Variants in ZEB2 observed in about 807,000 individuals in gnomAD.
ZEB2 encodes zinc finger E-box binding homeobox 2, also known as zinc finger E-box-binding homeobox 2.
Under a neutral mutation model 99.9 loss-of-function variants are expected in ZEB2, and 6 were observed. That is an observed-to-expected ratio of 0.06 (90% CI 0.03 to 0.12). The LOEUF is 0.12. Among genes scored for constraint, ZEB2 ranks in the 10% least tolerant of loss-of-function variants. The probability of loss-of-function intolerance (pLI) is 1.00; values close to 1 mark genes in which losing one functional copy is unlikely to be tolerated. For missense variants in ZEB2, 969 were observed against 1,502.8 expected, an observed-to-expected ratio of 0.64 and a Z score of 5.87; for synonymous variants, 517 against 542.5, an observed-to-expected ratio of 0.95 and a Z score of 0.65.
intron 2 of ZEB2, chr2:144,514,264 AAC>A (rs1465266426): frequency 5.7e-6 from 1 of 175,956 alleles, no homozygotes; most frequent in Non-Finnish European, 1.2e-5. Flanking sequence ...CAGCCTTTAA[AAC>A]ACACACACTG....
At chr2:144,468,872 C>T (rs1244413161) in intron 2 of ZEB2, among the ~76,000 whole-genome samples, 1 of 152,110 alleles carries the variant, frequency 6.6e-6, no homozygotes, top group Admixed American at 6.6e-5. Flanking sequence ...CAAGCATGTC[C>T]TTTCTGACCT....
intron 3 of ZEB2, 188 bp from the exon 4 acceptor site, chr2:144,425,055 T>C (rs1703673679): frequency 1.6e-6 from 1 of 622,032 alleles, no homozygotes; most frequent in Non-Finnish European, 2.8e-6. Flanking sequence ...CAAGAACTTA[T>C]TTACTTTAAG....
At chr2:144,510,716 CTT>C (rs56064705) in intron 2 of ZEB2, among the ~76,000 whole-genome samples, 17 of 135,720 alleles carry the variant, frequency 1.3e-4, no homozygotes, top group African/African-American at 3.1e-4. Context: ...CTCTCTCTCT[CTT>C]TCTCTCTCTC....
chr2:144,490,991 G>A (rs913822172), intron 2 of ZEB2, among the ~76,000 whole-genome samples: 1 of 152,238 alleles, frequency 6.6e-6, no homozygotes, highest in African/African-American at 2.4e-5. Context: ...CTAAGGAGCC[G>A]TTATGTAGTG....
At chr2:144,504,907 G>C (rs1043993081) in intron 2 of ZEB2, among the ~76,000 whole-genome samples, 7 of 152,260 alleles carry the variant, frequency 4.6e-5, no homozygotes, top group African/African-American at 1.2e-4. Flanking sequence ...GCTGTCTTAT[G>C]ATAAGTGTTG....
intron 2 of ZEB2, among the ~76,000 whole-genome samples, chr2:144,489,049 A>G (rs1348293347): frequency 6.6e-6 from 1 of 152,146 alleles, no homozygotes; most frequent in Non-Finnish European, 1.5e-5. Flanking sequence ...ACAAGATGAA[A>G]TCTACTCTAT....
intron 4 of ZEB2, among the ~76,000 whole-genome samples, chr2:144,412,395 G>A (rs1376975240): frequency 6.6e-6 from 1 of 152,236 alleles, no homozygotes; most frequent in Admixed American, 6.5e-5. Context: ...ATTTAGAGGA[G>A]TTGATGAAGT....
At chr2:144,502,280 A>G (rs1172704910) in intron 2 of ZEB2, among the ~76,000 whole-genome samples, 2 of 152,212 alleles carry the variant, frequency 1.3e-5, no homozygotes, top group Non-Finnish European at 2.9e-5. Context: ...AACCTTGAAT[A>G]TCTCAAATTA....
chr2:144,517,773 C>T (rs1705186754), intron 1 of ZEB2: 4 of 684,342 alleles, frequency 5.8e-6, no homozygotes, highest in Admixed American at 2.1e-5. Flanking sequence ...CCTCAGCCCC[C>T]GGCTCGGGAA....
Position 144,398,882 on chromosome 2 carries a change from T to C in ZEB2, c.2305A>G (p.Ile769Val). The C allele has an allele frequency of 1.9e-6, 3 of 1,614,176 alleles. No homozygotes were observed. Among genetic ancestry groups the C allele is most frequent in the Non-Finnish European group, 2.5e-6 (3 of 1,180,014 alleles). The stretch of plus-strand genomic sequence containing the variant: ...TGGTCCAATTTTTCAACTGGTTTAA[T>C]ATTGGTAAAATGGGAAGGTTTTGTT... ...RLTKPSHFTNIKPVEKLDHSR... is the reference protein window; with the variant it reads ...RLTKPSHFTNVKPVEKLDHSR... Residue 769 changes from isoleucine (I) to valine (V), a missense_variant, in exon 8 of 10, where the codon ATT becomes GTT. Transcript: ENST00000627532.
At chr2:144,498,018 T>A (rs62169224) in intron 2 of ZEB2, among the ~76,000 whole-genome samples, 5,719 of 16,824 alleles carry the variant, frequency 0.34, 2,423 homozygotes, top group Non-Finnish European at 0.56. Flanking sequence ...TATATTAATA[T>A]TATATATTAT....
In ZEB2 at chr2:144,425,660, G is replaced by T. The variant is rs1013835770; in HGVS notation, c.332-793C>A. Among the ~76,000 whole-genome samples the T allele has an allele frequency of 2.0e-5, 3 of 152,182 alleles. No homozygotes were observed. The East Asian group carries it at 5.8e-4, about 29-fold the overall frequency. ...CAAAAACTGCAATATTTTAAAATAA[G>T]GGAGAATTTGAAAAATAGGGGCACT... is the stretch of plus-strand genomic sequence containing the variant. On this transcript the variant is annotated intron_variant, in intron 3 of 9. Coordinates refer to ENST00000627532, the MANE Select transcript of ZEB2 (RefSeq NM_014795.4).
At chr2:144,470,302 G>A (rs1704336339) in intron 2 of ZEB2, 1 of 152,134 alleles carries the variant, frequency 6.6e-6, no homozygotes, top group South Asian at 2.1e-4. Flanking sequence ...GACACAGGTA[G>A]GAATTGCCAG....
intron 2 of ZEB2, among the ~76,000 whole-genome samples, chr2:144,443,750 C>T (rs1438073076): frequency 6.6e-6 from 1 of 152,022 alleles, no homozygotes; most frequent in East Asian, 1.9e-4. Context: ...CTTTTCGCTC[C>T]CCACCAAAAC....
At chr2:144,403,228 C>T (rs1703336318) in intron 6 of ZEB2, among the ~76,000 whole-genome samples, 2 of 151,796 alleles carry the variant, frequency 1.3e-5, no homozygotes, top group African/African-American at 4.8e-5. Context: ...AGAAGCTATA[C>T]TTAACTGTTG....
Position 144,404,135 on chromosome 2 carries a change from A to G in ZEB2, c.593-5T>C. ...CTGGAGTTCCAGGTGGCAGGTCTGTAGCCGAGAGACAGAGAGAGAGAGAAG... is the reference window on the plus strand; with the variant it reads ...CTGGAGTTCCAGGTGGCAGGTCTGTGGCCGAGAGACAGAGAGAGAGAGAAG... On this transcript the variant is annotated splice_region_variant and splice_polypyrimidine_tract_variant and intron_variant, in intron 5 of 9. Coordinates refer to ENST00000627532, the MANE Select transcript of ZEB2 (RefSeq NM_014795.4). 6.2e-7 allele frequency: 1 copy of G among 1,613,914 alleles called. No individual in the cohort carries two copies. Among genetic ancestry groups the G allele is most frequent in the Non-Finnish European group, 8.5e-7 (1 of 1,179,986 alleles).
intron 2 of ZEB2, chr2:144,497,800 G>A (rs1333330071): frequency 6.7e-6 from 1 of 148,848 alleles, no homozygotes; most frequent in Non-Finnish European, 1.6e-5. Context: ...GGTGGAGGGA[G>A]CTTGTATAAA....
At chr2:144,512,266 T>C in intron 2 of ZEB2, 1 of 1,287,210 alleles carries the variant, frequency 7.8e-7, no homozygotes. Flanking sequence ...AAGAATTTCC[T>C]TTCACACAGA....
At chr2:144,414,048 T>A (rs903154561) in intron 4 of ZEB2, among the ~76,000 whole-genome samples, 7 of 152,162 alleles carry the variant, frequency 4.6e-5, no homozygotes, top group Non-Finnish European at 1.0e-4. Flanking sequence ...ACTAATATTA[T>A]CAGTTTAGGG....
Sources: gnomAD v4.1 joint callset for allele counts (sites outside exome capture counted in the v4.1 genomes callset) on GRCh38, gnomAD v4.1.1 for gene constraint, MANE v1.5 for transcripts, NCBI Gene and HGNC (gene_info 2026-07-23, HGNC 2026-07-21) for gene names.